Variants in TDRD12 observed in about 807,000 individuals in gnomAD.
The protein encoded by TDRD12 is tudor domain containing 12.
Under a neutral mutation model 133.5 loss-of-function variants are expected in TDRD12, and 158 were observed. That is an observed-to-expected ratio of 1.18 (90% confidence interval 1.04 to 1.35). The LOEUF is 1.35. Ranked by LOEUF, TDRD12 falls within the 40% of genes most tolerant of loss-of-function variation. The probability of loss-of-function intolerance (pLI) is 0.00; values close to 1 mark genes in which losing one functional copy is unlikely to be tolerated. For missense variants in TDRD12, 1,443 were observed against 1,321.3 expected (o/e 1.09, Z -1.43); for synonymous variants, 460 against 477.9 (o/e 0.96, Z 0.49).
intron 13 of TDRD12, among the ~76,000 whole-genome samples, chr19:32,792,350 G>A (rs1218357709): frequency 6.6e-6 from 1 of 152,178 alleles, no homozygotes; most frequent in African/African-American, 2.4e-5. Context: ...TATCCCCGGA[G>A]AGAAGACATT....
At position 32,727,980 on chromosome 19, in the gene TDRD12, C is replaced by A. The variant is rs144269253; in HGVS notation, c.25-3745C>A. On this transcript the variant is annotated intron_variant, in intron 1 of 27. Transcript: ENST00000444215. Reference sequence around the variant, plus strand: ...ATTTTGTCTGGCCTCCAAGTTCATTCTTTTGCATGTGAATATCCAGTTTTC... The same window carrying A: ...ATTTTGTCTGGCCTCCAAGTTCATTATTTTGCATGTGAATATCCAGTTTTC... 2.9e-3 allele frequency among the ~76,000 whole-genome samples: 439 copies of A among 152,258 alleles called. 3 individuals are homozygous for A. Among genetic ancestry groups the A allele is most frequent in the South Asian group, 0.02 (98 of 4,824 alleles).
At chr19:32,802,667 G>A (rs1233236334) in exon 20 of TDRD12, 13 of 1,535,958 alleles carry the variant, frequency 8.5e-6, no homozygotes, top group Admixed American at 7.8e-5. Flanking sequence ...CCTCACAGAC[G>A]ACTGCGTCCC....
intron 14 of TDRD12, among the ~76,000 whole-genome samples, chr19:32,797,138 G>A (rs957925324): frequency 8.6e-5 from 13 of 151,872 alleles, no homozygotes; most frequent in African/African-American, 1.9e-4. Context: ...ACACTACCAC[G>A]CCTGGCTAAT....
chr19:32,821,391 T>TGTGTGTGGGTGTGTGTGTGC (rs1568499633), downstream of TDRD12: 3 of 427,316 alleles, frequency 7.0e-6, no homozygotes, highest in African/African-American at 5.3e-5. Context: ...TGTGTGTGTG[T>TGTGTGTGGGTGTGTGTGTGC]GTGTGTGTGT....
chr19:32,817,675 C>T (rs1967226750), intron 26 of TDRD12, among the ~76,000 whole-genome samples: 1 of 151,618 alleles, frequency 6.6e-6, no homozygotes, highest in Non-Finnish European at 1.5e-5. Context: ...TTTGGGGAAC[C>T]TCCATCCAGG....
At chr19:32,777,333 C>A in intron 11 of TDRD12, 104 bp downstream of exon 11, 1 of 784,526 alleles carries the variant, frequency 1.3e-6, no homozygotes, top group Non-Finnish European at 1.9e-6. Flanking sequence ...AACCTGCATT[C>A]CCATCAAAAA....
At chr19:32,784,950 AT>A (rs1258408292) in intron 11 of TDRD12, among the ~76,000 whole-genome samples, 2 of 151,824 alleles carry the variant, frequency 1.3e-5, no homozygotes, top group East Asian at 3.9e-4. Context: ...AGATTCATTG[AT>A]TTTTTTGAAG....
At chr19:32,818,148 G>C (rs1000975435) in exon 27 of TDRD12, 7 of 702,018 alleles carry the variant, frequency 1.0e-5, no homozygotes, top group South Asian at 8.9e-5. Context: ...GAGGAGCAGG[G>C]GGGGCAGGGG....
At chr19:32,794,748 C>T (rs1971175730) in exon 14 of TDRD12, 2 of 703,324 alleles carry the variant, frequency 2.8e-6, no homozygotes, top group Non-Finnish European at 5.2e-6. Context: ...TTTGCTCTAC[C>T]TCCTACCAGT....
chr19:32,757,204 G>A (rs1970021683), intron 8 of TDRD12, 74 bp downstream of exon 8: 1 of 1,248,818 alleles, frequency 8.0e-7, no homozygotes, highest in Non-Finnish European at 1.1e-6. Context: ...AGATTAGAAA[G>A]GTTGTCTAGA....
chr19:32,754,249 G>A (rs1969923706), intron 6 of TDRD12, among the ~76,000 whole-genome samples: 1 of 152,076 alleles, frequency 6.6e-6, no homozygotes, highest in Admixed American at 6.6e-5. Flanking sequence ...TGGGTGGATT[G>A]CTTGAGCTCC....
At chr19:32,725,804 A>G (rs185120358) in intron 1 of TDRD12, among the ~76,000 whole-genome samples, 4 of 152,172 alleles carry the variant, frequency 2.6e-5, no homozygotes. Flanking sequence ...ATTACTTTGG[A>G]CAGTACGGCC....
intron 6 of TDRD12, 121 bp from the exon 7 acceptor site, chr19:32,755,871 A>C: frequency 1.4e-6 from 1 of 732,476 alleles, no homozygotes; most frequent in Non-Finnish European, 2.0e-6. Flanking sequence ...TTTCTCTCAG[A>C]TTATGTTCTG....
chr19:32,802,417 TG>T (rs1971425597), intron 19 of TDRD12, among the ~76,000 whole-genome samples: 2 of 151,758 alleles, frequency 1.3e-5, no homozygotes, highest in African/African-American at 4.8e-5. Flanking sequence ...GAAAAACATA[TG>T]GGCCGCTTGG....
intron 4 of TDRD12, among the ~76,000 whole-genome samples, chr19:32,748,006 C>A (rs1969705628): frequency 6.6e-6 from 1 of 152,074 alleles, no homozygotes; most frequent in African/African-American, 2.4e-5. Flanking sequence ...CAGAGAGAGA[C>A]CCTGTCTCAA....
chr19:32,729,545 T>G (rs934815329), intron 1 of TDRD12, among the ~76,000 whole-genome samples: 2 of 151,582 alleles, frequency 1.3e-5, no homozygotes, highest in African/African-American at 2.4e-5. Flanking sequence ...TTATGAAATT[T>G]ACGTTTTCCA....
intron 4 of TDRD12, 100 bp from the exon 5 acceptor site, chr19:32,748,376 A>G (rs527592610): frequency 8.4e-7 from 1 of 1,186,248 alleles, no homozygotes; most frequent in East Asian, 2.6e-5. Flanking sequence ...CGTGTTCCAT[A>G]TGTAGTGTGA....
chr19:32,796,095 C>T, intron 14 of TDRD12: 1 of 941,372 alleles, frequency 1.1e-6, no homozygotes, highest in Non-Finnish European at 1.3e-6. Context: ...TGATGCAGGG[C>T]ATGGCCCTGT....
intron 8 of TDRD12, among the ~76,000 whole-genome samples, chr19:32,762,497 A>G (rs1273082020): frequency 2.0e-5 from 3 of 152,184 alleles, no homozygotes; most frequent in African/African-American, 7.2e-5. Context: ...CATTGACGCT[A>G]GAGAAGTTTT....
Sources: gnomAD v4.1 joint callset for allele counts (sites outside exome capture counted in the v4.1 genomes callset) on GRCh38, gnomAD v4.1.1 for gene constraint, MANE v1.5 for transcripts, NCBI Gene and HGNC (gene_info 2026-07-23, HGNC 2026-07-21) for gene names.